The following KIAA1671 variants were observed in gnomAD, a reference collection of about 807,000 sequenced individuals.
KIAA1671 encodes the protein uncharacterized protein KIAA1671.
Under a neutral mutation model 131.2 loss-of-function variants are expected in KIAA1671, and 52 were observed. The observed-to-expected ratio is 0.40, with a 90% confidence interval of 0.32 to 0.50. The LOEUF (loss-of-function observed/expected upper bound fraction) is 0.50, where lower values mean the gene tolerates loss of function less well. Ranked by LOEUF, KIAA1671 falls within the 20% of genes least tolerant of loss-of-function variation. The probability of loss-of-function intolerance (pLI) is 0.73; values close to 1 mark genes in which losing one functional copy is unlikely to be tolerated. For synonymous variants in KIAA1671, 1,003 were observed against 961.6 expected (o/e 1.04, Z -0.80); for missense variants, 2,360 against 2,364.2 (o/e 1.00, Z 0.04).
Position 25,039,080 on chromosome 22 carries a change from G to A in KIAA1671, c.1950G>A (p.Pro650=), listed in dbSNP as rs80228367. Residue 650 remains proline (P), a synonymous_variant, in exon 5 of 13, where the codon CCG becomes CCA. Transcript: ENST00000358431. ...MAHARVSEPR[P]RPEMGSWLGR... ...ATGCCCGTGTCTCAGAACCCAGGCC[G>A]AGGCCTGAGATGGGCTCTTGGCTGG... 0.017 allele frequency: 26,394 copies of A among 1,551,662 alleles called. 270 individuals are homozygous for A. The highest frequency in any genetic ancestry group is 0.044 in the Middle Eastern group (262 of 5,992).
At chr22:25,150,505 G>T (rs899241778) in intron 6 of KIAA1671, among the ~76,000 whole-genome samples, 2 of 152,186 alleles carry the variant, frequency 1.3e-5, no homozygotes, top group African/African-American at 4.8e-5. Flanking sequence ...GGAAGGTGCT[G>T]CCTGCACTCT....
intron 1 of KIAA1671, among the ~76,000 whole-genome samples, chr22:25,000,096 G>A (rs1403230142): frequency 6.6e-6 from 1 of 151,148 alleles, no homozygotes; most frequent in Non-Finnish European, 1.5e-5. Flanking sequence ...TGTTAGCCAG[G>A]ATGATGTCGA....
intron 4 of KIAA1671, among the ~76,000 whole-genome samples, chr22:25,034,461 T>G (rs1047231724): frequency 6.9e-6 from 1 of 145,484 alleles, no homozygotes; most frequent in African/African-American, 2.5e-5. Context: ...ATCAGTCCTC[T>G]TTTTTTTTTT....
chr22:25,087,893 C>T (rs1417963599), intron 6 of KIAA1671, among the ~76,000 whole-genome samples: 1 of 152,132 alleles, frequency 6.6e-6, no homozygotes. Flanking sequence ...GAATGGGCGC[C>T]CCAGCCAATA....
Position 25,177,464 on chromosome 22 carries a change from G to A in KIAA1671, c.5016G>A (p.Glu1672=), listed in dbSNP as rs12168578. The change falls in exon 9 of 13, where the codon GAG becomes GAA. Residue 1672 remains glutamate, a synonymous_variant. Transcript: ENST00000358431. ...SLRRSRFSES[E]SRSPLEDETD... is the part of the protein sequence containing the mutation. ...GGCGCAGCCGATTTAGTGAGTCCGA[G>A]AGCAGATCACCTTTGGAGGATGAGA... 0.11 allele frequency: 171,858 copies of A among 1,551,558 alleles called. 10,351 individuals carry two copies. The highest frequency in any genetic ancestry group is 0.2 in the South Asian group (17,031 of 84,038).
chr22:25,168,695 G>GA (rs113211396), intron 6 of KIAA1671, among the ~76,000 whole-genome samples: 59 of 144,328 alleles, frequency 4.1e-4, no homozygotes, highest in Non-Finnish European at 4.3e-4. Flanking sequence ...TCCATCTAGG[G>GA]AAAAAAAAAA....
chr22:24,984,111 G>A (rs573928813), intron 1 of KIAA1671, among the ~76,000 whole-genome samples: 1 of 152,076 alleles, frequency 6.6e-6, no homozygotes, highest in Non-Finnish European at 1.5e-5. Context: ...GCCTCTCAGG[G>A]GCTTAAGCAG....
intron 6 of KIAA1671, among the ~76,000 whole-genome samples, chr22:25,068,476 A>T (rs944578962): frequency 6.6e-6 from 1 of 151,166 alleles, no homozygotes; most frequent in Non-Finnish European, 1.5e-5. Context: ...TCACTCTGTC[A>T]CCCAGGCTGG....
chr22:25,035,742 G>A (rs1926553637), intron 4 of KIAA1671, among the ~76,000 whole-genome samples: 1 of 152,108 alleles, frequency 6.6e-6, no homozygotes, highest in African/African-American at 2.4e-5. Context: ...TCATTAAATT[G>A]GGGGGATGGG....
chr22:25,071,826 C>T lies in KIAA1671; in HGVS notation c.4530+22462C>T, dbSNP rs377746247. Among the ~76,000 whole-genome samples, 17 of 152,238 alleles carry T rather than the reference C, an allele frequency of 1.1e-4. No homozygotes were observed. The East Asian group carries it at 1.7e-3, about 16-fold the overall frequency. ...CTTACCAGCAGTAGTTTGGAGCTAG[C>T]GCCAGATACTTGGAATATAGGAGCA... On this transcript the variant is annotated intron_variant, in intron 6 of 12. Transcript: ENST00000358431.
At chr22:25,146,577 G>A (rs1932882702) in intron 6 of KIAA1671, among the ~76,000 whole-genome samples, 1 of 152,202 alleles carries the variant, frequency 6.6e-6, no homozygotes, top group Non-Finnish European at 1.5e-5. Context: ...CATTGAGTCT[G>A]GGCTGCCTGG....
intron 1 of KIAA1671, among the ~76,000 whole-genome samples, chr22:24,954,217 G>C (rs1921572301): frequency 6.6e-6 from 1 of 152,176 alleles, no homozygotes; most frequent in Non-Finnish European, 1.5e-5. Context: ...GAGAAGCTCT[G>C]AGGTTTGGCT....
At chr22:25,140,081 T>C (rs1244894325) in intron 6 of KIAA1671, among the ~76,000 whole-genome samples, 1 of 152,194 alleles carries the variant, frequency 6.6e-6, no homozygotes, top group Non-Finnish European at 1.5e-5. Context: ...AGTTGAGGGG[T>C]CCTCTGCATA....
At chr22:25,001,363 G>C (rs1242623345) in intron 1 of KIAA1671, among the ~76,000 whole-genome samples, 1 of 152,126 alleles carries the variant, frequency 6.6e-6, no homozygotes, top group Non-Finnish European at 1.5e-5. Flanking sequence ...CTAATGAACA[G>C]AAATTTTCTT....
chr22:24,972,049 G>A (rs912708549), intron 1 of KIAA1671, among the ~76,000 whole-genome samples: 13 of 152,176 alleles, frequency 8.5e-5, no homozygotes, highest in African/African-American at 2.6e-4. Flanking sequence ...GAGAGAGATG[G>A]GAATCTTTAA....
intron 3 of KIAA1671, among the ~76,000 whole-genome samples, chr22:25,031,547 T>G (rs2145792394): frequency 6.7e-6 from 1 of 149,924 alleles, no homozygotes; most frequent in East Asian, 2.0e-4. Flanking sequence ...AGTCAGGCTG[T>G]TCTCGAACTT....
chr22:25,177,353 C>T lies in KIAA1671; in HGVS notation c.4905C>T (p.Thr1635=). 1 of 1,548,976 alleles carries T rather than the reference C, an allele frequency of 6.5e-7. No homozygotes were observed. Among genetic ancestry groups the T allele is most frequent in the South Asian group, 1.2e-5 (1 of 83,914 alleles). ...RVDDFSFIDQ[T]SVLDSSALKT... Reference sequence around the variant, plus strand: ...CCTCCCTGCTGCTCCCAAAGCAAACCTCAGTCCTCGACTCAAGTGCCCTCA... The same window carrying T: ...CCTCCCTGCTGCTCCCAAAGCAAACTTCAGTCCTCGACTCAAGTGCCCTCA... Residue 1635 remains threonine (T), a synonymous_variant, in exon 9 of 13, where the codon ACC becomes ACT. Transcript: ENST00000358431.
intron 4 of KIAA1671, among the ~76,000 whole-genome samples, chr22:25,038,375 A>G (rs917187213): frequency 6.6e-5 from 10 of 152,198 alleles, no homozygotes; most frequent in East Asian, 3.9e-4. Context: ...AATTTAGCCA[A>G]TGCTTTTCCA....
chr22:25,038,790 T>C lies in KIAA1671; in HGVS notation c.1660T>C (p.Cys554Arg). 2.6e-6 allele frequency: 4 copies of C among 1,549,562 alleles called. No individual in the cohort carries two copies. The highest frequency in any genetic ancestry group is 3.5e-6 in the Non-Finnish European group (4 of 1,145,016). The change falls in exon 5 of 13, where the codon TGC becomes CGC. Residue 554 changes from cysteine (C) to arginine (R), a missense_variant. Cys to Arg is a radical substitution (Grantham distance 180). Coordinates refer to ENST00000358431, the MANE Select transcript of KIAA1671 (RefSeq NM_001145206.2). ...GGAGGGGCACAGTTTGGATGGAGCA[T>C]GCATCCCGAGAAGCCCCTGGAAGCC... ...QKEGHSLDGACIPRSPWKPGT... is the reference protein window; with the variant it reads ...QKEGHSLDGARIPRSPWKPGT...
Sources: allele counts gnomAD v4.1 joint callset (sites outside exome capture counted in the v4.1 genomes callset), GRCh38; gene constraint gnomAD v4.1.1; transcripts MANE v1.5; gene names NCBI Gene and HGNC (gene_info 2026-07-23, HGNC 2026-07-21).